LYPLAL1: variants seen among roughly 807,000 people sequenced by gnomAD.
The protein encoded by LYPLAL1 is lysophospholipase like 1.
LYPLAL1 carries 23 observed loss-of-function variants against 19.7 expected under a neutral mutation model. The observed-to-expected ratio is 1.17, with a 90% CI of 0.84 to 1.65. The LOEUF is 1.65. Ranked by LOEUF, LYPLAL1 falls within the 40% of genes most tolerant of loss-of-function variation. LYPLAL1 has a pLI of 0.00. For missense variants in LYPLAL1, 355 were observed against 279.4 expected (o/e 1.27, Z -1.93); for synonymous variants, 119 against 96.3 (o/e 1.24, Z -1.38).
chr1:219,434,818 G>A, the LYPLAL1 span, among the ~76,000 whole-genome samples: 1 of 151,904 alleles, frequency 6.6e-6, no homozygotes, highest in African/African-American at 2.4e-5. Context: ...AGTCCTTTTT[G>A]CAATCAAGAA....
At chr1:219,322,887 T>A in the LYPLAL1 span, among the ~76,000 whole-genome samples, 1 of 152,228 alleles carries the variant, frequency 6.6e-6, no homozygotes, top group Admixed American at 6.5e-5. Context: ...ATTTTAAGGC[T>A]GGATTCTAAA....
the LYPLAL1 span, among the ~76,000 whole-genome samples, chr1:219,403,873 T>C: frequency 6.6e-6 from 1 of 152,136 alleles, no homozygotes; most frequent in African/African-American, 2.4e-5. Flanking sequence ...TGTAGATATA[T>C]ATCTTATTCA....
chr1:219,391,534 G>A, the LYPLAL1 span, among the ~76,000 whole-genome samples: 2 of 151,400 alleles, frequency 1.3e-5, no homozygotes, highest in Admixed American at 1.3e-4. Flanking sequence ...AGGCTTATTG[G>A]TTTTGGTTCT....
At chr1:219,281,495 T>C in the LYPLAL1 span, among the ~76,000 whole-genome samples, 52,414 of 152,048 alleles carry the variant, frequency 0.34, 9,490 homozygotes, top group Non-Finnish European at 0.4. Flanking sequence ...AGGCTCAGAA[T>C]TGGAGGACTT....
chr1:219,380,125 TA>T, the LYPLAL1 span, among the ~76,000 whole-genome samples: 1 of 152,256 alleles, frequency 6.6e-6, no homozygotes, highest in African/African-American at 2.4e-5. Flanking sequence ...AGCATCCTTT[TA>T]TAAGGAGGAA....
At chr1:219,425,629 T>C in the LYPLAL1 span, among the ~76,000 whole-genome samples, 1 of 152,206 alleles carries the variant, frequency 6.6e-6, no homozygotes, top group Non-Finnish European at 1.5e-5. Context: ...TGAGTTGTTT[T>C]CAAGCTTCAA....
At chr1:219,441,566 A>T in the LYPLAL1 span, among the ~76,000 whole-genome samples, 2 of 152,208 alleles carry the variant, frequency 1.3e-5, no homozygotes, top group Non-Finnish European at 2.9e-5. Context: ...TTTGAAAAAG[A>T]TATTGAATAG....
chr1:219,180,078 C>T (rs1342281750), intron 2 of LYPLAL1, among the ~76,000 whole-genome samples: 2 of 152,130 alleles, frequency 1.3e-5, no homozygotes, highest in African/African-American at 2.4e-5. Flanking sequence ...CCCACAGCAG[C>T]CTTTGCCTCC....
chr1:219,389,643 T>G, the LYPLAL1 span, among the ~76,000 whole-genome samples: 17 of 152,176 alleles, frequency 1.1e-4, no homozygotes, highest in Admixed American at 2.0e-4. Context: ...TGTCATGTCC[T>G]GAACTTCATC....
chr1:219,217,982 AT>A, the LYPLAL1 span, among the ~76,000 whole-genome samples: 2 of 151,936 alleles, frequency 1.3e-5, no homozygotes, highest in Non-Finnish European at 2.9e-5. Context: ...GGGGACTTTC[AT>A]TTTTTATTAT....
downstream of LYPLAL1, among the ~76,000 whole-genome samples, chr1:219,213,740 A>C (rs1003793893): frequency 2.0e-5 from 3 of 151,994 alleles, no homozygotes; most frequent in Admixed American, 1.3e-4. Flanking sequence ...CACAATTTTT[A>C]TATGTTGGTC....
chr1:219,241,838 T>C, the LYPLAL1 span, among the ~76,000 whole-genome samples: 1 of 152,178 alleles, frequency 6.6e-6, no homozygotes, highest in Admixed American at 6.5e-5. Flanking sequence ...TGAGGAAGAC[T>C]GTTGTCAACT....
At chr1:219,197,811 A>G (rs1019390387) in intron 3 of LYPLAL1, among the ~76,000 whole-genome samples, 3 of 152,190 alleles carry the variant, frequency 2.0e-5, no homozygotes, top group African/African-American at 7.2e-5. Flanking sequence ...AAGGTGGGCA[A>G]AGTACATGAA....
the LYPLAL1 span, among the ~76,000 whole-genome samples, chr1:219,240,914 A>G: frequency 1.3e-5 from 2 of 151,714 alleles, no homozygotes; most frequent in African/African-American, 2.4e-5. Context: ...TTAAAATGTC[A>G]CCTGGGTGCA....
At chr1:219,261,005 T>C in the LYPLAL1 span, among the ~76,000 whole-genome samples, 1 of 151,926 alleles carries the variant, frequency 6.6e-6, no homozygotes, top group Non-Finnish European at 1.5e-5. Flanking sequence ...AAAGAAAATA[T>C]CAAAATGACA....
At chr1:219,210,937 A>T (rs1431287990) in intron 4 of LYPLAL1, among the ~76,000 whole-genome samples, 1 of 152,168 alleles carries the variant, frequency 6.6e-6, no homozygotes, top group African/African-American at 2.4e-5. Flanking sequence ...TTTTATACAT[A>T]TTAAAACTGC....
At chr1:219,293,510 G>GC in the LYPLAL1 span, among the ~76,000 whole-genome samples, 1 of 151,774 alleles carries the variant, frequency 6.6e-6, no homozygotes, top group Non-Finnish European at 1.5e-5. Flanking sequence ...TGGAGACATT[G>GC]TTTTTCTCAT....
At chr1:219,301,093 C>T in the LYPLAL1 span, among the ~76,000 whole-genome samples, 2 of 151,876 alleles carry the variant, frequency 1.3e-5, no homozygotes, top group Non-Finnish European at 2.9e-5. Context: ...TACTGGTTGG[C>T]ATACATGAAA....
At chr1:219,209,469 G>T (rs1448506729) in intron 3 of LYPLAL1, among the ~76,000 whole-genome samples, 1 of 151,896 alleles carries the variant, frequency 6.6e-6, no homozygotes, top group East Asian at 1.9e-4. Flanking sequence ...CTAATCTTGG[G>T]CCTCAGTTCC....
Sources: gnomAD v4.1 joint callset for allele counts (sites outside exome capture counted in the v4.1 genomes callset) on GRCh38, gnomAD v4.1.1 for gene constraint, MANE v1.5 for transcripts, NCBI Gene and HGNC (gene_info 2026-07-23, HGNC 2026-07-21) for gene names.